The following WASHC4 variants were observed in gnomAD, a reference collection of about 807,000 sequenced individuals.
WASHC4 encodes WASH complex subunit 7.
A neutral mutation model predicts 166.6 loss-of-function variants in WASHC4; 86 were observed. That is an observed-to-expected ratio of 0.52 (90% confidence interval 0.43 to 0.62). The LOEUF (loss-of-function observed/expected upper bound fraction) is 0.62. WASHC4 is among the 20% of genes least tolerant of loss of function. The pLI is 0.00. For missense variants in WASHC4, 1,262 were observed against 1,382.4 expected, an observed-to-expected ratio of 0.91 and a Z score of 1.38; for synonymous variants, 446 against 451.6, an observed-to-expected ratio of 0.99 and a Z score of 0.16.
At chr12:105,125,848 A>G (rs1196826) in intron 10 of WASHC4, among the ~76,000 whole-genome samples, 156 bp from the exon 11 acceptor site, 76,458 of 151,786 alleles carry the variant, frequency 0.5, 19,377 homozygotes, top group Middle Eastern at 0.68. Flanking sequence ...AAAGATCTAA[A>G]TATTAGATTA....
At chr12:105,148,028 C>T in intron 24 of WASHC4, 1 of 985,192 alleles carries the variant, frequency 1.0e-6, no homozygotes, top group African/African-American at 1.7e-5. Flanking sequence ...TTTCAGAGCA[C>T]AGTTAATTTC....
chr12:105,125,939 A>T (rs929121002), intron 10 of WASHC4, 65 bp from the exon 11 acceptor site: 9 of 1,466,446 alleles, frequency 6.1e-6, no homozygotes, highest in East Asian at 2.3e-5. Context: ...TTAGTGTATG[A>T]TATTTAAATG....
intron 10 of WASHC4, among the ~76,000 whole-genome samples, chr12:105,124,299 A>G (rs1730021387): frequency 6.7e-6 from 1 of 149,924 alleles, no homozygotes; most frequent in Non-Finnish European, 1.5e-5. Flanking sequence ...TTGTATTTTT[A>G]GTAGAGATGG....
In WASHC4 at chr12:105,132,787, AGTGTGTGTGTGT is replaced by A. The variant is rs58569487; in HGVS notation, c.1200-950_1200-939del. 9.2e-3 allele frequency among the ~76,000 whole-genome samples: 1,316 copies of A among 142,436 alleles called. 9 individuals carry two copies. Among genetic ancestry groups the A allele is most frequent in the South Asian group, 0.02 (85 of 4,278 alleles). 93.4% of individuals were successfully genotyped at this position (142,436 alleles called of 152,430 possible). Reference sequence around the variant, plus strand: ...AGTTAATGTGAGGGGTGAAAGAGGTAGTGTGTGTGTGTGTGTGTGTGTGTGTGTGTGTGTGTG... The same window carrying A: ...AGTTAATGTGAGGGGTGAAAGAGGTAGTGTGTGTGTGTGTGTGTGTGTGTG... On this transcript the variant is annotated intron_variant, in intron 13 of 32. Transcript: ENST00000332180.
In WASHC4 at chr12:105,164,058, A is replaced by C; in HGVS notation, c.3158-53A>C. ...TGGGAATTATTGGTGAAGGAGTAGA[A>C]TACCACTTCTGTACTCACTGTAATT... On this transcript the variant is annotated intron_variant, in intron 30 of 32. Coordinates refer to ENST00000332180, the MANE Select transcript of WASHC4 (RefSeq NM_015275.3). 4.7e-6 allele frequency: 7 copies of C among 1,475,210 alleles called. No homozygotes were observed. In the Admixed American group the frequency reaches 1.0e-4, roughly 21 times the overall value. The allele number at this position is 1,475,210 out of a possible 1,614,324, so 91.4% of individuals were successfully genotyped here.
intron 18 of WASHC4, among the ~76,000 whole-genome samples, chr12:105,141,651 CATT>C (rs1882862710): frequency 1.3e-5 from 2 of 152,288 alleles, no homozygotes; most frequent in Middle Eastern, 3.4e-3. Flanking sequence ...TTTGAATTAA[CATT>C]GTTGAATTAG....
intron 13 of WASHC4, among the ~76,000 whole-genome samples, chr12:105,129,488 A>G (rs1305381102): frequency 6.6e-6 from 1 of 152,220 alleles, no homozygotes; most frequent in Non-Finnish European, 1.5e-5. Context: ...TTTGTTGTGC[A>G]GATTACTTCA....
intron 13 of WASHC4, among the ~76,000 whole-genome samples, chr12:105,130,230 C>T (rs942053151): frequency 2.6e-5 from 4 of 152,222 alleles, no homozygotes; most frequent in African/African-American, 9.6e-5. Context: ...CCAGGTCACA[C>T]AGCTAAGTAC....
intron 31 of WASHC4, 137 bp from the exon 32 acceptor site, chr12:105,164,504 T>TAAA: frequency 1.2e-6 from 1 of 814,390 alleles, no homozygotes; most frequent in Non-Finnish European, 2.0e-6. Context: ...GCGGGTTACT[T>TAAA]ATTTCAGTTT....
chr12:105,165,163 A>G (rs958145771), intron 32 of WASHC4, among the ~76,000 whole-genome samples: 2 of 152,194 alleles, frequency 1.3e-5, no homozygotes, highest in Non-Finnish European at 2.9e-5. Flanking sequence ...CATAGGGGCT[A>G]TTTAGTTGTA....
intron 24 of WASHC4, chr12:105,149,354 C>G: frequency 9.4e-7 from 1 of 1,060,188 alleles, no homozygotes; most frequent in Non-Finnish European, 1.1e-6. Flanking sequence ...TTAGTCCTAT[C>G]ATGAGAATAT....
In WASHC4 at chr12:105,167,968, TG is replaced by T. The variant is rs1386680395; in HGVS notation, c.*1038del. 1 of 152,424 alleles carries T rather than the reference TG, an allele frequency of 6.6e-6. No homozygotes were observed. Among genetic ancestry groups the T allele is most frequent in the Non-Finnish European group, 1.5e-5 (1 of 67,970 alleles). The allele number at this position is 152,424 out of a possible 1,614,324, so 9.4% of individuals were successfully genotyped here. A position where few individuals can be genotyped will look rare whatever the true frequency, so the allele number is the denominator to read the frequency against. On this transcript the variant is annotated 3_prime_UTR_variant, in exon 33 of 33. Transcript: ENST00000332180. ...CCCAGCAAGCTGTTAGTTTTATTTT[TG>T]TAAAGGTATGTAAGTTATTAAATGG...
intron 20 of WASHC4, 101 bp downstream of exon 20, chr12:105,143,344 T>C (rs911101481): frequency 1.4e-6 from 1 of 709,474 alleles, no homozygotes; most frequent in East Asian, 2.7e-5. Context: ...TTAAAATTAT[T>C]TATAAATTGC....
chr12:105,131,082 ATTTTTTTT>A (rs910009603), intron 13 of WASHC4, among the ~76,000 whole-genome samples: 1 of 148,654 alleles, frequency 6.7e-6, no homozygotes, highest in African/African-American at 2.5e-5. Context: ...TTATTTATTT[ATTTTTTTT>A]TTTTTTTGAG....
intron 32 of WASHC4, among the ~76,000 whole-genome samples, chr12:105,166,501 C>CT (rs906038027): frequency 2.6e-5 from 4 of 152,192 alleles, no homozygotes; most frequent in South Asian, 2.1e-4. Flanking sequence ...TGTAATGGTT[C>CT]TTTCTTGGCC....
chr12:105,131,393 A>T (rs2135765786), intron 13 of WASHC4, among the ~76,000 whole-genome samples: 1 of 152,224 alleles, frequency 6.6e-6, no homozygotes, highest in Admixed American at 6.5e-5. Context: ...GCCTGTTTTT[A>T]TATATTTATA....
rs370701627 is a variant in WASHC4 at position 105,147,654 on chromosome 12, C to T, written c.2514+508C>T. The T allele has an allele frequency of 2.0e-4, 179 of 911,158 alleles. 2 individuals are homozygous for T. The South Asian group carries it at 7.5e-3, about 38-fold the overall frequency. The allele number at this position is 911,158 out of a possible 1,614,324, so 56.4% of individuals were successfully genotyped here. On this transcript the variant is annotated intron_variant, in intron 24 of 32. Coordinates refer to ENST00000332180, the MANE Select transcript of WASHC4 (RefSeq NM_015275.3). ...GGCGTGGTGGCTCACGCTTGTAATCCCAGCACTTTGGGAGGCTGAAGCAGG... is the reference window on the plus strand; with the variant it reads ...GGCGTGGTGGCTCACGCTTGTAATCTCAGCACTTTGGGAGGCTGAAGCAGG...
At chr12:105,131,473 G>C (rs530645852) in intron 13 of WASHC4, among the ~76,000 whole-genome samples, 2 of 152,328 alleles carry the variant, frequency 1.3e-5, no homozygotes, top group East Asian at 3.9e-4. Flanking sequence ...AAAAGCCTCT[G>C]CATTATCCTA....
At position 105,156,671 on chromosome 12, in the gene WASHC4, A is replaced by G. The variant is rs187804013; in HGVS notation, c.2759-55A>G. ...TACTACTGTATGTAACTATATTCCT[A>G]TTAGAATTTAGAGTTATTTATATAA... On this transcript the variant is annotated intron_variant, in intron 26 of 32. Coordinates refer to ENST00000332180, the MANE Select transcript of WASHC4 (RefSeq NM_015275.3). The G allele has an allele frequency of 1.7e-4, 231 of 1,396,492 alleles. No homozygotes were observed. In the East Asian group the frequency reaches 5.1e-3, roughly 31 times the overall value. 86.5% of individuals were successfully genotyped at this position (1,396,492 alleles called of 1,614,324 possible). A position where few individuals can be genotyped will look rare whatever the true frequency, so the allele number is the denominator to read the frequency against.
Sources: allele counts gnomAD v4.1 joint callset (sites outside exome capture counted in the v4.1 genomes callset), GRCh38; gene constraint gnomAD v4.1.1; transcripts MANE v1.5; gene names NCBI Gene and HGNC (gene_info 2026-07-23, HGNC 2026-07-21).